The following TP53INP2 variants were observed in gnomAD, a reference collection of about 807,000 sequenced individuals.
The protein encoded by TP53INP2 is tumor protein p53-inducible nuclear protein 2.
A neutral mutation model predicts 17.1 loss-of-function variants in TP53INP2; 12 were observed. That is an observed-to-expected ratio of 0.70 (90% CI 0.45 to 1.14). The LOEUF (loss-of-function observed/expected upper bound fraction) is 1.14, where lower values mean the gene tolerates loss of function less well. Among genes scored for constraint, TP53INP2 ranks in the 50% most tolerant of loss-of-function variants. The pLI is 0.00. For synonymous variants in TP53INP2, 145 were observed against 147.3 expected (o/e 0.98, Z 0.12); for missense variants, 342 against 330.9 (o/e 1.03, Z -0.26).
rs765696732 is a variant in TP53INP2, at chr20:34,710,438, G to A, written c.*131G>A. On this transcript the variant is annotated 3_prime_UTR_variant, in exon 5 of 5. Coordinates refer to ENST00000374810, the MANE Select transcript of TP53INP2 (RefSeq NM_021202.3). The surrounding 1 kb of genome is among the most constrained non-coding windows in gnomAD (Gnocchi z 4.9). ...GTTGGGTGATAGCCGTTCCTTCCCC[G>A]ACACCCTCAATTTCCCCATCTCTGA... The A allele has an allele frequency of 1.8e-4, 187 of 1,034,754 alleles. 1 individual carries two copies. The highest frequency in any genetic ancestry group is 2.1e-4 in the Non-Finnish European group (169 of 803,978). The allele number at this position is 1,034,754 out of a possible 1,614,324, so 64.1% of individuals were successfully genotyped here. A position where few individuals can be genotyped will look rare whatever the true frequency, so the allele number is the denominator to read the frequency against.
Position 34,709,111 on chromosome 20 carries a change from G to T in TP53INP2, c.125-125G>T. On this transcript the variant is annotated intron_variant, in intron 3 of 4. Coordinates refer to ENST00000374810, the MANE Select transcript of TP53INP2 (RefSeq NM_021202.3). This position sits in a 1 kb window ranked among gnomAD's most constrained non-coding sequence, Gnocchi z 5.4. ...TGGGTGCCCCGGGGCGCTGCGGACGGGCTGCGGGTCTGACTAACGATGCCC... is the reference window on the plus strand; with the variant it reads ...TGGGTGCCCCGGGGCGCTGCGGACGTGCTGCGGGTCTGACTAACGATGCCC... 1 of 1,441,244 alleles carries T rather than the reference G, an allele frequency of 6.9e-7. No individual in the cohort carries two copies. Among genetic ancestry groups the T allele is most frequent in the Non-Finnish European group, 9.1e-7 (1 of 1,101,516 alleles). The allele number at this position is 1,441,244 out of a possible 1,614,324, so 89.3% of individuals were successfully genotyped here.
rs72441151 is a variant in TP53INP2, at chr20:34,709,160, GGTGTGTGT to G, written c.125-58_125-51del. 4.8e-5 allele frequency: 65 copies of G among 1,354,642 alleles called. No homozygotes were observed. The highest frequency in any genetic ancestry group is 1.5e-4 in the African/African-American group (10 of 67,662). The allele number at this position is 1,354,642 out of a possible 1,614,324, so 83.9% of individuals were successfully genotyped here. A position where few individuals can be genotyped will look rare whatever the true frequency, so the allele number is the denominator to read the frequency against. ...CCTTTCTCTCCCCGCCCCCTTGTCC[GGTGTGTGT>G]GTGTGTGTGTGTGTGTGCCTCCTCG... On this transcript the variant is annotated intron_variant, in intron 3 of 4. Transcript: ENST00000374810. This position sits in a 1 kb window ranked among gnomAD's most constrained non-coding sequence, Gnocchi z 5.4.
Position 34,708,877 on chromosome 20 carries a change from C to T in TP53INP2, c.124+14C>T, listed in dbSNP as rs946507585. ...TTGACCTGCCGGGTGAGGCCTGGGT[C>T]TGTCTCCTGGGCCTGTGAAGTCATT... is the stretch of plus-strand genomic sequence containing the variant. On this transcript the variant is annotated intron_variant, in intron 3 of 4. Transcript: ENST00000374810. 2 of 1,612,634 alleles carry T rather than the reference C, an allele frequency of 1.2e-6. No homozygotes were observed. Among genetic ancestry groups the T allele is most frequent in the African/African-American group, 2.7e-5 (2 of 74,860 alleles).
At position 34,711,703 on chromosome 20, in the gene TP53INP2, G is replaced by A. The variant is rs1988203670; in HGVS notation, c.*1396G>A. 6.6e-6 allele frequency: 1 copy of A among 152,602 alleles called. No individual in the cohort carries two copies. The highest frequency in any genetic ancestry group is 1.5e-5 in the Non-Finnish European group (1 of 68,040). The allele number at this position is 152,602 out of a possible 1,614,324, so 9.5% of individuals were successfully genotyped here. The stretch of plus-strand genomic sequence containing the variant: ...CCTGGGGGAGACAGAAGGGGCAGGG[G>A]CCACCAGCCTCCCCTTCTTGTGGTG... On this transcript the variant is annotated 3_prime_UTR_variant, in exon 5 of 5. Coordinates refer to ENST00000374810, the MANE Select transcript of TP53INP2 (RefSeq NM_021202.3). This position sits in a 1 kb window ranked among gnomAD's most constrained non-coding sequence, Gnocchi z 4.1.
intron 2 of TP53INP2, among the ~76,000 whole-genome samples, 178 bp downstream of exon 2, chr20:34,705,652 C>T (rs1568683041): frequency 6.6e-6 from 1 of 152,188 alleles, no homozygotes; most frequent in East Asian, 1.9e-4. Flanking sequence ...GTCACCTCTG[C>T]CCACAGAGAG....
At position 34,709,619 on chromosome 20, in the gene TP53INP2, C is replaced by A; in HGVS notation, c.413+95C>A. 1 of 1,454,432 alleles carries A rather than the reference C, an allele frequency of 6.9e-7. No individual in the cohort carries two copies. The highest frequency in any genetic ancestry group is 9.0e-7 in the Non-Finnish European group (1 of 1,111,156). The allele number at this position is 1,454,432 out of a possible 1,614,324, so 90.1% of individuals were successfully genotyped here. A position where few individuals can be genotyped will look rare whatever the true frequency, so the allele number is the denominator to read the frequency against. ...AGGCTGGGGTAGTGGGGCCAGGAGCCCGCCCCGCGCTCGAGGGGGTAGCGG... is the reference window on the plus strand; with the variant it reads ...AGGCTGGGGTAGTGGGGCCAGGAGCACGCCCCGCGCTCGAGGGGGTAGCGG... On this transcript the variant is annotated intron_variant, in intron 4 of 4. Coordinates refer to ENST00000374810, the MANE Select transcript of TP53INP2 (RefSeq NM_021202.3). The surrounding 1 kb of genome is among the most constrained non-coding windows in gnomAD (Gnocchi z 5.4).
chr20:34,711,057 A>C lies in TP53INP2; in HGVS notation c.*750A>C, dbSNP rs1001464843. 1 of 152,432 alleles carries C rather than the reference A, an allele frequency of 6.6e-6. No homozygotes were observed. Among genetic ancestry groups the C allele is most frequent in the Non-Finnish European group, 1.5e-5 (1 of 68,194 alleles). The allele number at this position is 152,432 out of a possible 1,614,324, so 9.4% of individuals were successfully genotyped here. A position where few individuals can be genotyped will look rare whatever the true frequency, so the allele number is the denominator to read the frequency against. On this transcript the variant is annotated 3_prime_UTR_variant, in exon 5 of 5. Transcript: ENST00000374810. The surrounding 1 kb of genome is among the most constrained non-coding windows in gnomAD (Gnocchi z 4.1). The stretch of plus-strand genomic sequence containing the variant: ...ACAGACACGTTGAGAAGCTGCAGGG[A>C]GCAGGGCACCAAGGGAGTGTGCACT...
chr20:34,709,200 C>T lies in TP53INP2; in HGVS notation c.125-36C>T, dbSNP rs1219987747. 2 of 1,519,288 alleles carry T rather than the reference C, an allele frequency of 1.3e-6. No individual in the cohort carries two copies. The highest frequency in any genetic ancestry group is 2.5e-5 in the East Asian group (1 of 40,580). The allele number at this position is 1,519,288 out of a possible 1,614,324, so 94.1% of individuals were successfully genotyped here. A position where few individuals can be genotyped will look rare whatever the true frequency, so the allele number is the denominator to read the frequency against. ...GTGTGTGTGTGCCTCCTCGCTGCTC[C>T]CCTCCTCTGCACGGCTCCCATCCCG... On this transcript the variant is annotated intron_variant, in intron 3 of 4. Transcript: ENST00000374810. This position sits in a 1 kb window ranked among gnomAD's most constrained non-coding sequence, Gnocchi z 5.4.
In TP53INP2 at chr20:34,709,681, C is replaced by T. The variant is rs865898100; in HGVS notation, c.413+157C>T. On this transcript the variant is annotated intron_variant, in intron 4 of 4. Transcript: ENST00000374810. The surrounding 1 kb of genome is among the most constrained non-coding windows in gnomAD (Gnocchi z 5.4). ...TTGCCTTTGAGACAAAGTGGGGGGC[C>T]GGTGGGCCTCCGGGCGAGGCTAGAA... is the stretch of plus-strand genomic sequence containing the variant. Among the ~76,000 whole-genome samples, 1 of 151,718 alleles carries T rather than the reference C, an allele frequency of 6.6e-6. No homozygotes were observed. The highest frequency in any genetic ancestry group is 1.5e-5 in the Non-Finnish European group (1 of 67,924).
In TP53INP2 at chr20:34,708,781, G is replaced by GC. The variant is rs758602096; in HGVS notation, c.48dup (p.Glu17ArgfsTer15). On this transcript the variant is annotated frameshift_variant, in exon 3 of 5. Transcript: ENST00000374810. LOFTEE classifies it high-confidence loss of function. ...CCAGCCTCTTCTTCAGCACCCCCTC[G>GC]CCCCCCGAAGACCCCGACTGCCCCC... 53 of 1,604,686 alleles carry GC rather than the reference G, an allele frequency of 3.3e-5. 1 individual carries two copies. Among genetic ancestry groups the GC allele is most frequent in the African/African-American group, 1.3e-4 (10 of 74,726 alleles).
intron 1 of TP53INP2, 120 bp downstream of exon 1, chr20:34,704,632 G>T (rs1323527432): frequency 2.6e-5 from 4 of 152,236 alleles, no homozygotes; most frequent in African/African-American, 9.6e-5. Context: ...CCCGGCTCCC[G>T]ATTGGTTGCC....
intron 2 of TP53INP2, among the ~76,000 whole-genome samples, chr20:34,707,989 G>T (rs1660845121): frequency 6.6e-6 from 1 of 152,092 alleles, no homozygotes; most frequent in African/African-American, 2.4e-5. Context: ...TTGAACTCCT[G>T]GCCTCAAGTG....
chr20:34,710,070 CG>C lies in TP53INP2; in HGVS notation c.427del (p.Ala143ProfsTer42). Reference sequence around the variant, plus strand: ...TCTGTCCTCACAGGGAATTGACGCCCGCCCGCCGCGAGCCGCGGGCCGCGCG... The same window carrying C: ...TCTGTCCTCACAGGGAATTGACGCCCCCCGCCGCGAGCCGCGGGCCGCGCG... ...GDLSEGELTPARREPRAARHA... is the reference protein window; with the variant it reads ...GDLSEGELTPXRREPRAARHA... On this transcript the variant is annotated frameshift_variant, in exon 5 of 5. Transcript: ENST00000374810. LOFTEE classifies it high-confidence loss of function. This position sits in a 1 kb window ranked among gnomAD's most constrained non-coding sequence, Gnocchi z 4.9. 2.4e-6 allele frequency: 3 copies of C among 1,257,122 alleles called. No individual in the cohort carries two copies. Among genetic ancestry groups the C allele is most frequent in the South Asian group, 5.9e-5 (2 of 34,172 alleles). 77.9% of individuals were successfully genotyped at this position (1,257,122 alleles called of 1,614,324 possible). A position where few individuals can be genotyped will look rare whatever the true frequency, so the allele number is the denominator to read the frequency against.
chr20:34,709,450 C>G lies in TP53INP2; in HGVS notation c.339C>G (p.Ser113Arg). The G allele has an allele frequency of 6.2e-7, 1 of 1,613,838 alleles. No individual in the cohort carries two copies. The highest frequency in any genetic ancestry group is 2.2e-5 in the East Asian group (1 of 44,868). Residue 113 changes from serine (S) to arginine (R), a missense_variant, in exon 4 of 5, where the codon AGC (serine) becomes AGG (arginine). Physicochemically the swap from Ser to Arg is moderately radical, Grantham distance 110. Transcript: ENST00000374810. The surrounding 1 kb of genome is among the most constrained non-coding windows in gnomAD (Gnocchi z 5.4). ...HPSMSVYVTG[S>R]TIVLEPGSPS... ...GCATGTCCGTTTACGTCACCGGCAG[C>G]ACCATAGTGCTAGAGCCCGGGTCCC...
At position 34,709,672 on chromosome 20, in the gene TP53INP2, G is replaced by T; in HGVS notation, c.413+148G>T. On this transcript the variant is annotated intron_variant, in intron 4 of 4. Coordinates refer to ENST00000374810, the MANE Select transcript of TP53INP2 (RefSeq NM_021202.3). The surrounding 1 kb of genome is among the most constrained non-coding windows in gnomAD (Gnocchi z 5.4). ...TTGGGAGGGTTGCCTTTGAGACAAA[G>T]TGGGGGGCCGGTGGGCCTCCGGGCG... 1 of 1,432,626 alleles carries T rather than the reference G, an allele frequency of 7.0e-7. No homozygotes were observed. The highest frequency in any genetic ancestry group is 2.5e-5 in the East Asian group (1 of 39,684). 88.7% of individuals were successfully genotyped at this position (1,432,626 alleles called of 1,614,324 possible). A position where few individuals can be genotyped will look rare whatever the true frequency, so the allele number is the denominator to read the frequency against.
In TP53INP2 at chr20:34,713,302, C is replaced by T. The variant is rs1364492204; in HGVS notation, c.*2995C>T. 6.6e-6 allele frequency: 1 copy of T among 152,628 alleles called. No homozygotes were observed. Among genetic ancestry groups the T allele is most frequent in the African/African-American group, 2.4e-5 (1 of 41,446 alleles). The allele number at this position is 152,628 out of a possible 1,614,324, so 9.5% of individuals were successfully genotyped here. A position where few individuals can be genotyped will look rare whatever the true frequency, so the allele number is the denominator to read the frequency against. On this transcript the variant is annotated 3_prime_UTR_variant, in exon 5 of 5. Coordinates refer to ENST00000374810, the MANE Select transcript of TP53INP2 (RefSeq NM_021202.3). ...CGTGTCAACAGACTCAAGGAGACAA[C>T]CACCTCAACTGGGTCATGTGGCATG...
At chr20:34,708,615 C>T (rs937772204) in intron 2 of TP53INP2, 76 bp from the exon 3 acceptor site, 51 of 839,700 alleles carry the variant, frequency 6.1e-5, no homozygotes, top group African/African-American at 5.6e-4. Context: ...GGGGTGATAT[C>T]TTCTGGCCTC....
chr20:34,706,621 T>C (rs1295601405), intron 2 of TP53INP2, among the ~76,000 whole-genome samples: 1 of 151,996 alleles, frequency 6.6e-6, no homozygotes, highest in Non-Finnish European at 1.5e-5. Flanking sequence ...CCCACCCCCA[T>C]CCCACCAGAG....
chr20:34,706,548 C>T (rs1337201409), intron 2 of TP53INP2, among the ~76,000 whole-genome samples: 2 of 152,134 alleles, frequency 1.3e-5, no homozygotes, highest in Non-Finnish European at 2.9e-5. Context: ...GGTTGGGATA[C>T]ATGAATTGTG....
Sources: gnomAD v4.1 joint callset for allele counts (sites outside exome capture counted in the v4.1 genomes callset) on GRCh38, gnomAD v4.1.1 for gene constraint, Gnocchi (gnomAD v3.1) non-coding constraint, MANE v1.5 for transcripts, NCBI Gene and HGNC (gene_info 2026-07-23, HGNC 2026-07-21) for gene names.